Variants in UBE2E2 observed in about 807,000 individuals in gnomAD.
UBE2E2 encodes the protein ubiquitin conjugating enzyme E2 E2.
UBE2E2 carries 6 observed loss-of-function variants against 24.7 expected under a neutral mutation model. The observed-to-expected ratio is 0.24, with a 90% CI of 0.13 to 0.48. The LOEUF (loss-of-function observed/expected upper bound fraction) is 0.48, where lower values mean the gene tolerates loss of function less well. Among genes scored for constraint, UBE2E2 ranks in the 20% least tolerant of loss-of-function variants. The pLI, the probability that UBE2E2 is intolerant of heterozygous loss-of-function variation, is 0.99. For synonymous variants in UBE2E2, 104 were observed against 83.6 expected (o/e 1.24, Z -1.33); for missense variants, 169 against 245.0 (o/e 0.69, Z 2.07).
intron 3 of UBE2E2, among the ~76,000 whole-genome samples, chr3:23,307,351 T>C (rs1575549670): frequency 6.6e-6 from 1 of 152,206 alleles, no homozygotes. Flanking sequence ...TATTTAATTG[T>C]GGACCAGGTT....
intron 3 of UBE2E2, among the ~76,000 whole-genome samples, chr3:23,438,609 A>G (rs191374735): frequency 6.6e-6 from 1 of 152,346 alleles, no homozygotes; most frequent in African/African-American, 2.4e-5. Flanking sequence ...AGTTGGTGAC[A>G]GCTTAGTCAT....
intron 3 of UBE2E2, among the ~76,000 whole-genome samples, chr3:23,301,443 T>G (rs1340762146): frequency 2.6e-5 from 4 of 152,226 alleles, no homozygotes; most frequent in Non-Finnish European, 4.4e-5. Context: ...ATGATGGTGA[T>G]GTACAGATGG....
chr3:23,500,556 C>T (rs1699699153), intron 4 of UBE2E2, among the ~76,000 whole-genome samples: 1 of 152,176 alleles, frequency 6.6e-6, no homozygotes, highest in South Asian at 2.1e-4. Context: ...TTTTGACTAC[C>T]AAGAAAGAAT....
chr3:23,457,195 G>T (rs1024966351), intron 3 of UBE2E2, among the ~76,000 whole-genome samples: 4 of 152,104 alleles, frequency 2.6e-5, no homozygotes, highest in Non-Finnish European at 5.9e-5. Flanking sequence ...AGAAAATGGG[G>T]GCTAAGCTTC....
chr3:23,436,483 A>G (rs185280926), intron 3 of UBE2E2, among the ~76,000 whole-genome samples: 17 of 152,268 alleles, frequency 1.1e-4, no homozygotes, highest in African/African-American at 4.1e-4. Context: ...GAGCGCTCTC[A>G]TTTAGAAGAC....
chr3:23,419,856 G>C (rs1697750882), intron 3 of UBE2E2, among the ~76,000 whole-genome samples: 1 of 152,148 alleles, frequency 6.6e-6, no homozygotes, highest in South Asian at 2.1e-4. Context: ...CATAGAATGG[G>C]GAAGCTCTCC....
chr3:23,222,394 C>T (rs192281695), intron 3 of UBE2E2, among the ~76,000 whole-genome samples: 13 of 152,286 alleles, frequency 8.5e-5, no homozygotes, highest in African/African-American at 3.1e-4. Flanking sequence ...CCACCCAAAT[C>T]TCATCTTGAA....
At chr3:23,367,101 C>T (rs1400096419) in intron 3 of UBE2E2, among the ~76,000 whole-genome samples, 1 of 152,142 alleles carries the variant, frequency 6.6e-6, no homozygotes, top group Non-Finnish European at 1.5e-5. Flanking sequence ...TGAATGTGAT[C>T]CTGCAGTTCT....
At chr3:23,341,197 C>A (rs1695379646) in intron 3 of UBE2E2, among the ~76,000 whole-genome samples, 1 of 152,118 alleles carries the variant, frequency 6.6e-6, no homozygotes. Context: ...ACCTAAAGAG[C>A]AGACTGGGAA....
chr3:23,381,761 A>G (rs1318434418), intron 3 of UBE2E2, among the ~76,000 whole-genome samples: 1 of 152,242 alleles, frequency 6.6e-6, no homozygotes, highest in Admixed American at 6.5e-5. Context: ...TGAGTCTCAA[A>G]TTTTATCTAT....
intron 5 of UBE2E2, among the ~76,000 whole-genome samples, chr3:23,548,593 C>T (rs1431363022): frequency 6.6e-6 from 1 of 152,132 alleles, no homozygotes; most frequent in Non-Finnish European, 1.5e-5. Flanking sequence ...TCTCTCTAAT[C>T]CCTTTTCCCG....
intron 2 of UBE2E2, among the ~76,000 whole-genome samples, chr3:23,210,462 G>C (rs1696289107): frequency 6.6e-6 from 1 of 152,200 alleles, no homozygotes; most frequent in African/African-American, 2.4e-5. Context: ...TGGGTGATAT[G>C]TCAAAGACCA....
chr3:23,499,234 A>G (rs1261473617), intron 3 of UBE2E2, among the ~76,000 whole-genome samples: 1 of 152,192 alleles, frequency 6.6e-6, no homozygotes, highest in Non-Finnish European at 1.5e-5. Flanking sequence ...AGTTGTTAGC[A>G]AAGGGATCAG....
intron 3 of UBE2E2, among the ~76,000 whole-genome samples, chr3:23,322,583 A>C (rs1368566567): frequency 6.6e-6 from 1 of 152,092 alleles, no homozygotes; most frequent in Non-Finnish European, 1.5e-5. Context: ...TATTTTAATA[A>C]TGCTTTTATT....
chr3:23,289,963 G>A (rs1429948996), intron 3 of UBE2E2, among the ~76,000 whole-genome samples: 2 of 151,752 alleles, frequency 1.3e-5, no homozygotes, highest in East Asian at 1.9e-4. Flanking sequence ...TTCTCTTACG[G>A]AGCATATATG....
At position 23,431,998 on chromosome 3, in the gene UBE2E2, G is replaced by C. The variant is rs374028687; in HGVS notation, c.228-67610G>C. 1.2e-4 allele frequency among the ~76,000 whole-genome samples: 18 copies of C among 152,288 alleles called. No individual in the cohort carries two copies. The East Asian group carries it at 2.7e-3, about 23-fold the overall frequency. Reference sequence around the variant, plus strand: ...ACCACGTTTATATCTAATGATTTAAGTGTAAAGCATGTAGGCAAACGCTAC... The same window carrying C: ...ACCACGTTTATATCTAATGATTTAACTGTAAAGCATGTAGGCAAACGCTAC... On this transcript the variant is annotated intron_variant, in intron 3 of 5. Transcript: ENST00000396703.
intron 2 of UBE2E2, among the ~76,000 whole-genome samples, chr3:23,213,050 G>A (rs1022378207): frequency 6.6e-6 from 1 of 152,106 alleles, no homozygotes; most frequent in African/African-American, 2.4e-5. Flanking sequence ...ATTGATTAGA[G>A]TAGGGGTTTT....
At chr3:23,542,225 T>G (rs1695411165) in intron 5 of UBE2E2, among the ~76,000 whole-genome samples, 1 of 152,172 alleles carries the variant, frequency 6.6e-6, no homozygotes. Context: ...CTACTAGGGA[T>G]GGTATATTTT....
At chr3:23,393,496 G>A (rs1045029753) in intron 3 of UBE2E2, among the ~76,000 whole-genome samples, 1 of 152,164 alleles carries the variant, frequency 6.6e-6, no homozygotes, top group African/African-American at 2.4e-5. Context: ...GATTTATAGA[G>A]TCAGAAACCC....
Sources: allele counts gnomAD v4.1 joint callset (sites outside exome capture counted in the v4.1 genomes callset), GRCh38; gene constraint gnomAD v4.1.1; transcripts MANE v1.5; gene names NCBI Gene and HGNC (gene_info 2026-07-23, HGNC 2026-07-21).